Variants in SORL1 observed in about 807,000 individuals in gnomAD.
SORL1 encodes the protein sortilin related receptor 1.
Under a neutral mutation model 273.7 loss-of-function variants are expected in SORL1, and 127 were observed. The ratio of observed to expected loss-of-function variants is 0.46; its 90% confidence interval spans 0.40 to 0.54. The LOEUF (loss-of-function observed/expected upper bound fraction) is 0.54, where lower values mean the gene tolerates loss of function less well. SORL1 is among the 20% of genes least tolerant of loss of function. The pLI is 0.00. For synonymous variants in SORL1, 1,031 were observed against 1,067.4 expected (o/e 0.97, Z 0.66); for missense variants, 2,494 against 2,846.1 (o/e 0.88, Z 2.81).
At chr11:121,583,428 G>A (rs1863041285) in intron 25 of SORL1, 30 bp from the exon 26 acceptor site, 4 of 1,599,770 alleles carry the variant, frequency 2.5e-6, no homozygotes, top group Non-Finnish European at 3.4e-6. Context: ...GATGAGGGGT[G>A]TGCGACTGTG....
intron 22 of SORL1, 35 bp downstream of exon 22, chr11:121,567,148 C>T (rs1176605129): frequency 6.4e-7 from 1 of 1,571,760 alleles, no homozygotes; most frequent in Non-Finnish European, 8.7e-7. Flanking sequence ...TGTCATCCTC[C>T]TTCCTTTGTT....
chr11:121,598,031 C>T (rs1346767465), intron 32 of SORL1, among the ~76,000 whole-genome samples: 1 of 152,116 alleles, frequency 6.6e-6, no homozygotes, highest in Non-Finnish European at 1.5e-5. Context: ...TGTAGAGTGG[C>T]TGTGGGTGGG....
chr11:121,537,584 A>G (rs1862284605), intron 12 of SORL1, among the ~76,000 whole-genome samples: 1 of 152,234 alleles, frequency 6.6e-6, no homozygotes, highest in Admixed American at 6.5e-5. Context: ...GAATCTGGAC[A>G]TATTACAATA....
intron 2 of SORL1, among the ~76,000 whole-genome samples, chr11:121,475,619 A>G (rs1042871343): frequency 6.6e-6 from 1 of 152,162 alleles, no homozygotes; most frequent in African/African-American, 2.4e-5. Flanking sequence ...TGGCCTGTAG[A>G]CTTGGTATAA....
In SORL1 at chr11:121,586,294, G is replaced by A. The variant is rs774188252; in HGVS notation, c.3779G>A (p.Arg1260His). 5.0e-6 allele frequency: 8 copies of A among 1,614,152 alleles called. No homozygotes were observed. Among genetic ancestry groups the A allele is most frequent in the Admixed American group, 3.3e-5 (2 of 60,030 alleles). ...IPSSKHCDGLRDCSDGSDEQH... is the reference protein window; with the variant it reads ...IPSSKHCDGLHDCSDGSDEQH... ...TCCAGCAAACATTGTGATGGTCTGC[G>A]TGATTGCTCTGATGGCTCCGATGAA... Residue 1260 changes from arginine (R) to histidine (H), a missense_variant, in exon 27 of 48, where the codon CGT becomes CAT. Physicochemically the swap from Arg to His is conservative, Grantham distance 29. Around this residue, in one of 3 missense-constraint regions of SORL1, gnomAD observed 1,609 missense variants for 1,816.4 expected, o/e 0.89. Coordinates refer to ENST00000260197, the MANE Select transcript of SORL1 (RefSeq NM_003105.6).
chr11:121,576,844 A>T, intron 24 of SORL1: 1 of 1,534,778 alleles, frequency 6.5e-7, no homozygotes, highest in Non-Finnish European at 8.7e-7. Flanking sequence ...CACGGTGATC[A>T]GCTCATGCAG....
At chr11:121,463,109 G>C (rs1160781214) in intron 1 of SORL1, among the ~76,000 whole-genome samples, 1 of 152,146 alleles carries the variant, frequency 6.6e-6, no homozygotes, top group Non-Finnish European at 1.5e-5. Context: ...TGCTCACTCT[G>C]ACTGTGTTTC....
At chr11:121,559,747 C>A in intron 21 of SORL1, 90 bp downstream of exon 21, 2 of 1,177,168 alleles carry the variant, frequency 1.7e-6, no homozygotes, top group Non-Finnish European at 2.4e-6. Context: ...TAGGAGCTGG[C>A]AGCCTGCATC....
chr11:121,552,291 T>C (rs936824722), intron 16 of SORL1, among the ~76,000 whole-genome samples: 2 of 152,228 alleles, frequency 1.3e-5, no homozygotes, highest in Admixed American at 1.3e-4. Context: ...TCCTTTACAA[T>C]TACTATGAAA....
intron 21 of SORL1, among the ~76,000 whole-genome samples, chr11:121,562,038 C>G (rs1284507873): frequency 6.6e-6 from 1 of 152,030 alleles, no homozygotes; most frequent in Non-Finnish European, 1.5e-5. Context: ...AACCTGCTTG[C>G]TTTTTTTGGA....
intron 4 of SORL1, 83 bp downstream of exon 4, chr11:121,488,276 A>G: frequency 7.3e-7 from 1 of 1,371,430 alleles, no homozygotes; most frequent in South Asian, 1.3e-5. Flanking sequence ...CCTTTGAGTG[A>G]CCTCGCCTCC....
At chr11:121,523,710 C>G (rs1208800868) in intron 11 of SORL1, among the ~76,000 whole-genome samples, 2 of 152,066 alleles carry the variant, frequency 1.3e-5, no homozygotes, top group Non-Finnish European at 2.9e-5. Context: ...GGGTGACCCT[C>G]TAGTTATGCC....
Position 121,545,294 on chromosome 11 carries a change from G to C in SORL1, c.1916G>C (p.Arg639Pro), listed in dbSNP as rs200869993. ...DYKLWSPSDERGNECLLGHKT... is the reference protein window; with the variant it reads ...DYKLWSPSDEPGNECLLGHKT... Reference sequence around the variant, plus strand: ...AAGCTGTGGTCACCATCTGATGAGCGGGGGAATGAGTGTTTGCTGGGACAC... The same window carrying C: ...AAGCTGTGGTCACCATCTGATGAGCCGGGGAATGAGTGTTTGCTGGGACAC... The change falls in exon 14 of 48, where the codon CGG becomes CCG. Residue 639 changes from arginine (R) to proline (P), a missense_variant. By Grantham distance (103) the Arg-to-Pro change is moderately radical. This residue lies in a region of SORL1 where 710 missense variants were observed against 882.5 expected (regional missense o/e 0.80). Coordinates refer to ENST00000260197, the MANE Select transcript of SORL1 (RefSeq NM_003105.6). 6.2e-7 allele frequency: 1 copy of C among 1,614,046 alleles called. No homozygotes were observed.
intron 41 of SORL1, among the ~76,000 whole-genome samples, chr11:121,616,663 C>T (rs10790447): frequency 0.37 from 56,585 of 152,194 alleles, 12,135 homozygotes; most frequent in South Asian, 0.57. Context: ...TCCTCCCAGG[C>T]GATCACCCCC....
chr11:121,531,202 T>C (rs920373412), intron 11 of SORL1, among the ~76,000 whole-genome samples: 1 of 152,184 alleles, frequency 6.6e-6, no homozygotes, highest in African/African-American at 2.4e-5. Context: ...GAGACCAGCC[T>C]GACCAACATG....
chr11:121,528,534 C>T (rs1352605096), intron 11 of SORL1, among the ~76,000 whole-genome samples: 1 of 152,128 alleles, frequency 6.6e-6, no homozygotes, highest in East Asian at 1.9e-4. Flanking sequence ...GTGTACAGTT[C>T]ATATGTTTTT....
Position 121,574,280 on chromosome 11 carries a change from A to G in SORL1, c.3377A>G (p.Gln1126Arg), listed in dbSNP as rs1862892407. ...ICDLDTQFRC[Q>R]ESGTCIPLSY... Reference sequence around the variant, plus strand: ...GACCTGGACACCCAGTTTCGTTGCCAGGAGTCTGGGACTTGTATCCCACTG... The same window carrying G: ...GACCTGGACACCCAGTTTCGTTGCCGGGAGTCTGGGACTTGTATCCCACTG... Residue 1126 changes from glutamine (Q) to arginine (R), a missense_variant, in exon 24 of 48, where the codon CAG (glutamine) becomes CGG (arginine). Physicochemically the swap from Gln to Arg is conservative, Grantham distance 43 (BLOSUM62 1). Transcript: ENST00000260197. 17 of 1,613,848 alleles carry G rather than the reference A, an allele frequency of 1.1e-5. No individual in the cohort carries two copies. Among genetic ancestry groups the G allele is most frequent in the Non-Finnish European group, 1.4e-5 (16 of 1,179,832 alleles).
chr11:121,554,196 T>C lies in SORL1; in HGVS notation c.2439+87T>C. The C allele has an allele frequency of 8.1e-7, 1 of 1,230,834 alleles. No individual in the cohort carries two copies. The highest frequency in any genetic ancestry group is 1.1e-6 in the Non-Finnish European group (1 of 878,020). The allele number at this position is 1,230,834 out of a possible 1,614,324, so 76.2% of individuals were successfully genotyped here. On this transcript the variant is annotated intron_variant, in intron 17 of 47. Coordinates refer to ENST00000260197, the MANE Select transcript of SORL1 (RefSeq NM_003105.6). The surrounding 1 kb of genome is among the most constrained non-coding windows in gnomAD (Gnocchi z 4.6). ...CTGCATGCAGAATGGCCTATGGAAA[T>C]GGGCAGTTAGAAGTTTGTAAGTGTT...
intron 6 of SORL1, among the ~76,000 whole-genome samples, chr11:121,512,059 G>A (rs1017247729): frequency 1.3e-5 from 2 of 152,166 alleles, no homozygotes; most frequent in Admixed American, 1.3e-4. Context: ...TTTTAGAGCT[G>A]GAAGAAACCA....
Sources: allele counts gnomAD v4.1 joint callset (sites outside exome capture counted in the v4.1 genomes callset), GRCh38; gene constraint gnomAD v4.1.1; regional missense constraint gnomAD v4.1.1; non-coding constraint Gnocchi (gnomAD v3.1); transcripts MANE v1.5; gene names NCBI Gene and HGNC (gene_info 2026-07-23, HGNC 2026-07-21).